The following GPX6 variants were observed in gnomAD, a reference collection of about 807,000 sequenced individuals.
The protein encoded by GPX6 is glutathione peroxidase 6 (olfactory).
In GPX6, 21 loss-of-function variants were observed where a neutral mutation model predicts 20.0. The observed-to-expected ratio is 1.05, with a 90% CI of 0.74 to 1.51. The LOEUF is 1.51. Among genes scored for constraint, GPX6 ranks in the 40% most tolerant of loss-of-function variants. The pLI is 0.00. For synonymous variants in GPX6, 75 were observed against 98.0 expected (o/e 0.77, Z 1.38); for missense variants, 233 against 254.7 (o/e 0.91, Z 0.58).
chr6:28,513,012 G>C (rs1762930179), intron 1 of GPX6, among the ~76,000 whole-genome samples: 1 of 152,106 alleles, frequency 6.6e-6, no homozygotes, highest in Non-Finnish European at 1.5e-5. Context: ...CTTGAAGTCA[G>C]TGAGGCCAAA....
At chr6:28,512,702 C>T (rs1042160148) in intron 1 of GPX6, among the ~76,000 whole-genome samples, 14 of 152,202 alleles carry the variant, frequency 9.2e-5, no homozygotes, top group South Asian at 2.1e-4. Context: ...CTTGCTGCTG[C>T]TCATTCTTGG....
At chr6:28,506,573 G>GTA in intron 2 of GPX6, 144 bp from the exon 3 acceptor site, 1 of 501,890 alleles carries the variant, frequency 2.0e-6, no homozygotes, top group Non-Finnish European at 3.6e-6. Flanking sequence ...GATCAAAGGA[G>GTA]TAGAGAAAAA....
Position 28,515,692 on chromosome 6 carries a change from A to G in GPX6, c.52T>C (p.Phe18Leu), listed in dbSNP as rs757815020. The G allele has an allele frequency of 1.9e-6, 3 of 1,614,050 alleles. No homozygotes were observed. In the South Asian group the frequency reaches 3.3e-5, roughly 18 times the overall value. Residue 18 changes from phenylalanine to leucine, a missense_variant, in exon 1 of 5, where the codon TTT becomes CTT. By Grantham distance (22) the Phe-to-Leu change is conservative. Transcript: ENST00000361902. ...SCLVLFFLVG[F>L]AQQTLKPQNR... ...TGAGGCTTTAGGGTCTGCTGAGCAA[A>G]GCCAACCAGGAAAAACAGGACAAGA...
At position 28,505,815 on chromosome 6, in the gene GPX6, AAAGT is replaced by A; in HGVS notation, c.360-17_360-14del. ...TGGACACACATACCTGCAGTGAACC[AAAGT>A]TGTTCCCAGCAAGATACAAATTAAG... On this transcript the variant is annotated splice_polypyrimidine_tract_variant and intron_variant, in intron 3 of 4. Transcript: ENST00000361902. 1.2e-6 allele frequency: 2 copies of A among 1,604,378 alleles called. No homozygotes were observed. The highest frequency in any genetic ancestry group is 1.1e-5 in the South Asian group (1 of 90,864).
chr6:28,513,373 C>T (rs925632602), intron 1 of GPX6, among the ~76,000 whole-genome samples: 2 of 152,132 alleles, frequency 1.3e-5, no homozygotes, highest in Non-Finnish European at 2.9e-5. Flanking sequence ...CTAGACACTG[C>T]CTTAAGGTTG....
At chr6:28,515,264 C>T (rs1038514759) in intron 1 of GPX6, among the ~76,000 whole-genome samples, 1 of 152,170 alleles carries the variant, frequency 6.6e-6, no homozygotes, top group Admixed American at 6.5e-5. Context: ...CCAGGGCAGC[C>T]TCCCTGTCAA....
chr6:28,510,298 G>A lies in GPX6; in HGVS notation c.241+453C>T, dbSNP rs539402503. Reference sequence around the variant, plus strand: ...TTCGTTTCTCTCCCCATGTAGATATGATTGATTAAGACACCAAATCATATA... The same window carrying A: ...TTCGTTTCTCTCCCCATGTAGATATAATTGATTAAGACACCAAATCATATA... On this transcript the variant is annotated intron_variant, in intron 2 of 4. Transcript: ENST00000361902. Among the ~76,000 whole-genome samples the A allele has an allele frequency of 9.7e-4, 148 of 152,272 alleles. No homozygotes were observed. In the Middle Eastern group the frequency reaches 0.014, roughly 14 times the overall value.
At chr6:28,515,093 T>A (rs1171720447) in intron 1 of GPX6, among the ~76,000 whole-genome samples, 1 of 152,200 alleles carries the variant, frequency 6.6e-6, no homozygotes, top group Non-Finnish European at 1.5e-5. Flanking sequence ...AAATTAATAT[T>A]AGTGGACAAC....
intron 1 of GPX6, among the ~76,000 whole-genome samples, chr6:28,511,873 G>A (rs1762883289): frequency 6.6e-6 from 1 of 152,270 alleles, no homozygotes. Flanking sequence ...GGCTGCGCGT[G>A]GCACTTGCGG....
At chr6:28,508,106 A>G (rs760197261) in intron 2 of GPX6, among the ~76,000 whole-genome samples, 3 of 152,252 alleles carry the variant, frequency 2.0e-5, no homozygotes, top group Non-Finnish European at 4.4e-5. Context: ...AAACCTTTTT[A>G]TATCTCTTGA....
At chr6:28,512,674 T>G (rs1762910833) in intron 1 of GPX6, among the ~76,000 whole-genome samples, 1 of 152,180 alleles carries the variant, frequency 6.6e-6, no homozygotes, top group South Asian at 2.1e-4. Flanking sequence ...CTTTGTTCTT[T>G]CGCTCTTTGC....
At position 28,504,022 on chromosome 6, in the gene GPX6, AACACAC is replaced by A. The variant is rs67996303; in HGVS notation, c.*264_*269del. 101 of 338,660 alleles carry A rather than the reference AACACAC, an allele frequency of 3.0e-4. No homozygotes were observed. The highest frequency in any genetic ancestry group is 1.7e-3 in the Middle Eastern group (2 of 1,208). The allele number at this position is 338,660 out of a possible 1,614,324, so 21.0% of individuals were successfully genotyped here. A position where few individuals can be genotyped will look rare whatever the true frequency, so the allele number is the denominator to read the frequency against. Reference sequence around the variant, plus strand: ...TAGGTGTTCTTTTCCTTAATCTTCAAACACACACACACACACACACACACACACCAT... The same window carrying A: ...TAGGTGTTCTTTTCCTTAATCTTCAAACACACACACACACACACACACCAT... On this transcript the variant is annotated 3_prime_UTR_variant, in exon 5 of 5. Coordinates refer to ENST00000361902, the MANE Select transcript of GPX6 (RefSeq NM_182701.1).
intron 1 of GPX6, among the ~76,000 whole-genome samples, chr6:28,513,218 G>A (rs180839909): frequency 2.6e-5 from 4 of 152,276 alleles, no homozygotes; most frequent in Admixed American, 2.6e-4. Flanking sequence ...GTAAACCAAG[G>A]CAAGATCCCT....
chr6:28,509,678 T>C (rs1762841452), intron 2 of GPX6, among the ~76,000 whole-genome samples: 2 of 152,234 alleles, frequency 1.3e-5, no homozygotes, highest in Non-Finnish European at 1.5e-5. Context: ...CTATCTCTAG[T>C]ATAATTGATC....
chr6:28,513,553 C>T (rs928304910), intron 1 of GPX6, among the ~76,000 whole-genome samples: 2 of 152,062 alleles, frequency 1.3e-5, no homozygotes, highest in African/African-American at 4.8e-5. Context: ...GCACCCACTT[C>T]TTTATATTGT....
chr6:28,514,395 A>G (rs1056562947), intron 1 of GPX6, among the ~76,000 whole-genome samples: 1 of 152,182 alleles, frequency 6.6e-6, no homozygotes, highest in African/African-American at 2.4e-5. Context: ...CTTTTAATTC[A>G]CAAGATGCTA....
intron 2 of GPX6, among the ~76,000 whole-genome samples, chr6:28,509,104 AG>A (rs934652260): frequency 2.0e-5 from 3 of 152,230 alleles, no homozygotes; most frequent in Non-Finnish European, 4.4e-5. Flanking sequence ...GTTACTTAAA[AG>A]GGCTAAAATT....
At chr6:28,505,935 A>C (rs1377179636) in intron 3 of GPX6, 133 bp from the exon 4 acceptor site, 3 of 692,544 alleles carry the variant, frequency 4.3e-6, no homozygotes, top group Admixed American at 5.0e-5. Context: ...AGATAAGAAA[A>C]GATAGTCTGT....
At chr6:28,510,259 T>G (rs954304242) in intron 2 of GPX6, among the ~76,000 whole-genome samples, 3 of 152,206 alleles carry the variant, frequency 2.0e-5, no homozygotes, top group African/African-American at 7.2e-5. Flanking sequence ...TCTTTACCAG[T>G]TACAGCTTTA....
Sources: gnomAD v4.1 joint callset for allele counts (sites outside exome capture counted in the v4.1 genomes callset) on GRCh38, gnomAD v4.1.1 for gene constraint, MANE v1.5 for transcripts, NCBI Gene and HGNC (gene_info 2026-07-23, HGNC 2026-07-21) for gene names.